Variants in WWOX observed in about 807,000 individuals in gnomAD.
WWOX encodes the protein WW domain containing oxidoreductase.
In WWOX, 69 loss-of-function variants were observed where a neutral mutation model predicts 46.2. The ratio of observed to expected loss-of-function variants is 1.49; its 90% confidence interval spans 1.23 to 1.82. The LOEUF (loss-of-function observed/expected upper bound fraction) is 1.82, where lower values mean the gene tolerates loss of function less well. Ranked by LOEUF, WWOX falls within the 40% of genes most tolerant of loss-of-function variation. The pLI is 0.00. For synonymous variants in WWOX, 359 were observed against 202.6 expected (o/e 1.77, Z -6.56); for missense variants, 919 against 542.6 (o/e 1.69, Z -6.89).
chr16:78,173,365 T>G (rs1022346435), intron 5 of WWOX, among the ~76,000 whole-genome samples: 3 of 152,248 alleles, frequency 2.0e-5, no homozygotes, highest in African/African-American at 7.2e-5. Flanking sequence ...GATGGTTCAC[T>G]GCAACCTTGA....
chr16:78,795,334 C>T (rs1393031142), intron 8 of WWOX, among the ~76,000 whole-genome samples: 2 of 152,062 alleles, frequency 1.3e-5, no homozygotes, highest in South Asian at 2.1e-4. Flanking sequence ...CAGTCCAACC[C>T]CCTGAAAGCT....
chr16:79,033,578 G>A (rs1405850048), intron 8 of WWOX, among the ~76,000 whole-genome samples: 2 of 152,048 alleles, frequency 1.3e-5, no homozygotes, highest in African/African-American at 2.4e-5. Context: ...TCAACATCAT[G>A]TTAACTATTT....
intron 5 of WWOX, among the ~76,000 whole-genome samples, chr16:78,201,773 C>T (rs916127326): frequency 6.6e-6 from 1 of 151,968 alleles, no homozygotes; most frequent in Non-Finnish European, 1.5e-5. Flanking sequence ...GACCTTGACT[C>T]ACTGCAACCT....
Position 79,061,143 on chromosome 16 carries a change from T to C in WWOX, c.1057-150465T>C, listed in dbSNP as rs114643005. Among the ~76,000 whole-genome samples the C allele has an allele frequency of 4.6e-3, 700 of 152,282 alleles. 4 individuals are homozygous for C. The highest frequency in any genetic ancestry group is 0.016 in the African/African-American group (670 of 41,562). The stretch of plus-strand genomic sequence containing the variant: ...GTGCTCACAGTCTCTCAATCCTTTA[T>C]GTTGAGGGAGAAATGATAACCAGAT... On this transcript the variant is annotated intron_variant, in intron 8 of 8. Coordinates refer to ENST00000566780, the MANE Select transcript of WWOX (RefSeq NM_016373.4).
chr16:78,327,472 G>GA (rs1205524019), intron 5 of WWOX, among the ~76,000 whole-genome samples: 1 of 152,164 alleles, frequency 6.6e-6, no homozygotes, highest in Non-Finnish European at 1.5e-5. Flanking sequence ...GCAGGACACA[G>GA]AAGGCTTCTG....
At chr16:78,780,096 G>A (rs774367672) in intron 8 of WWOX, among the ~76,000 whole-genome samples, 21 of 152,100 alleles carry the variant, frequency 1.4e-4, no homozygotes, top group Admixed American at 3.3e-4. Context: ...CATGGTTCTC[G>A]TACTTCAGGT....
At chr16:78,305,497 T>C (rs1286764608) in intron 5 of WWOX, among the ~76,000 whole-genome samples, 1 of 152,160 alleles carries the variant, frequency 6.6e-6, no homozygotes, top group Non-Finnish European at 1.5e-5. Context: ...ATTTGGAATC[T>C]TTCCCCCTGA....
At chr16:78,714,226 G>T (rs2048511692) in intron 8 of WWOX, among the ~76,000 whole-genome samples, 1 of 152,098 alleles carries the variant, frequency 6.6e-6, no homozygotes, top group Non-Finnish European at 1.5e-5. Context: ...ACCTGAGATG[G>T]GGTAATTTGT....
At chr16:79,116,717 T>A (rs1386603238) in intron 8 of WWOX, among the ~76,000 whole-genome samples, 2 of 152,074 alleles carry the variant, frequency 1.3e-5, no homozygotes, top group Non-Finnish European at 2.9e-5. Context: ...GAAGGTGGAA[T>A]AAACTTCTTC....
chr16:79,163,897 A>AAAAAAAG (rs2050539246), intron 8 of WWOX, among the ~76,000 whole-genome samples: 4 of 150,116 alleles, frequency 2.7e-5, no homozygotes, highest in African/African-American at 4.9e-5. Flanking sequence ...AAAAAAAAAA[A>AAAAAAAG]GGAACTGATC....
intron 5 of WWOX, among the ~76,000 whole-genome samples, chr16:78,365,859 T>C (rs1259051875): frequency 6.6e-6 from 1 of 152,220 alleles, no homozygotes. Flanking sequence ...GGAAAGTGTA[T>C]AGTTCTCCTT....
At chr16:78,669,044 G>T (rs1337570349) in intron 8 of WWOX, among the ~76,000 whole-genome samples, 1 of 152,204 alleles carries the variant, frequency 6.6e-6, no homozygotes, top group Non-Finnish European at 1.5e-5. Context: ...ATACAGAAGT[G>T]ACCCTCCAGG....
intron 8 of WWOX, among the ~76,000 whole-genome samples, chr16:79,000,556 C>G (rs987625346): frequency 1.3e-5 from 2 of 152,072 alleles, no homozygotes; most frequent in African/African-American, 4.8e-5. Context: ...AGGGAGGAAG[C>G]GTCCAGGAGC....
At chr16:78,773,797 C>A (rs369993955) in intron 8 of WWOX, among the ~76,000 whole-genome samples, 1 of 152,182 alleles carries the variant, frequency 6.6e-6, no homozygotes, top group Non-Finnish European at 1.5e-5. Flanking sequence ...TAATTGGGAT[C>A]AGGCAGTACT....
At chr16:78,332,778 T>G (rs2080791709) in intron 5 of WWOX, among the ~76,000 whole-genome samples, 1 of 152,102 alleles carries the variant, frequency 6.6e-6, no homozygotes, top group South Asian at 2.1e-4. Context: ...CATTCAGAAC[T>G]TTACTAACAT....
chr16:78,156,261 G>T (rs538503664), intron 4 of WWOX, among the ~76,000 whole-genome samples: 1 of 151,712 alleles, frequency 6.6e-6, no homozygotes, highest in Non-Finnish European at 1.5e-5. Flanking sequence ...GTCCTTTGCC[G>T]TGGGTTATTT....
rs57919460 is a variant in WWOX at position 78,709,933 on chromosome 16, G to A, written c.1056+277181G>A. Reference sequence around the variant, plus strand: ...TTTGGTAGAGATGGGGTTTCACCATGTTGCCCAGGATGGTCTTGAACCCCT... The same window carrying A: ...TTTGGTAGAGATGGGGTTTCACCATATTGCCCAGGATGGTCTTGAACCCCT... On this transcript the variant is annotated intron_variant, in intron 8 of 8. Coordinates refer to ENST00000566780, the MANE Select transcript of WWOX (RefSeq NM_016373.4). Among the ~76,000 whole-genome samples the A allele has an allele frequency of 3.1e-3, 470 of 152,104 alleles. 1 individual carries two copies. The highest frequency in any genetic ancestry group is 0.011 in the African/African-American group (448 of 41,496).
intron 5 of WWOX, among the ~76,000 whole-genome samples, chr16:78,330,182 GT>G (rs2080721886): frequency 6.6e-6 from 1 of 151,866 alleles, no homozygotes; most frequent in Non-Finnish European, 1.5e-5. Flanking sequence ...ATACTAACAA[GT>G]GTTCATTTTT....
At chr16:78,951,376 C>T (rs946945034) in intron 8 of WWOX, among the ~76,000 whole-genome samples, 2 of 152,120 alleles carry the variant, frequency 1.3e-5, no homozygotes, top group African/African-American at 4.8e-5. Context: ...CTCTCATTGG[C>T]CCTCAGTGGG....
Sources: allele counts gnomAD v4.1 joint callset (sites outside exome capture counted in the v4.1 genomes callset), GRCh38; gene constraint gnomAD v4.1.1; transcripts MANE v1.5; gene names NCBI Gene and HGNC (gene_info 2026-07-23, HGNC 2026-07-21).